VPS54: variants seen among roughly 807,000 people sequenced by gnomAD.
The protein encoded by VPS54 is VPS54 subunit of GARP complex, also known as vacuolar protein sorting-associated protein 54.
VPS54 carries 45 observed loss-of-function variants against 121.5 expected under a neutral mutation model. The observed-to-expected ratio is 0.37, with a 90% confidence interval of 0.29 to 0.47. The LOEUF (loss-of-function observed/expected upper bound fraction) is 0.47, where lower values mean the gene tolerates loss of function less well. Among genes scored for constraint, VPS54 ranks in the 20% least tolerant of loss-of-function variants. VPS54 has a pLI of 0.99. For synonymous variants in VPS54, 371 were observed against 385.8 expected, an observed-to-expected ratio of 0.96 and a Z score of 0.45; for missense variants, 1,090 against 1,131.4, an observed-to-expected ratio of 0.96 and a Z score of 0.52.
In VPS54 at chr2:63,962,241, A is replaced by G. The variant is rs147728781; in HGVS notation, c.827T>C (p.Leu276Pro). The change falls in exon 7 of 23, where the codon CTG (leucine) becomes CCG (proline). Residue 276 changes from leucine (L) to proline (P), a missense_variant. Coordinates refer to ENST00000272322, the MANE Select transcript of VPS54 (RefSeq NM_016516.3). The stretch of plus-strand genomic sequence containing the variant: ...AACACAATTATTTCTGGTAAGTGCC[A>G]GTCTTAAAATGTGGAGTGATCCTTC... Reference protein sequence around the residue: ...MCEGSLHILRLALTRNNCVKV... With the variant: ...MCEGSLHILRPALTRNNCVKV... 2 of 1,614,074 alleles carry G rather than the reference A, an allele frequency of 1.2e-6. No homozygotes were observed. The highest frequency in any genetic ancestry group is 1.1e-5 in the South Asian group (1 of 91,078).
intron 7 of VPS54, among the ~76,000 whole-genome samples, chr2:63,953,101 C>G (rs1675331679): frequency 6.6e-6 from 1 of 150,656 alleles, no homozygotes; most frequent in African/African-American, 2.4e-5. Context: ...TAATCTCACA[C>G]ACACACAACC....
chr2:63,959,225 T>A (rs1295441428), intron 7 of VPS54, among the ~76,000 whole-genome samples: 1 of 152,126 alleles, frequency 6.6e-6, no homozygotes, highest in Non-Finnish European at 1.5e-5. Context: ...AGAAAGTAAA[T>A]CATCATATAG....
At chr2:63,971,945 C>T (rs1676302388) in intron 4 of VPS54, among the ~76,000 whole-genome samples, 4 of 152,100 alleles carry the variant, frequency 2.6e-5, no homozygotes, top group African/African-American at 7.2e-5. Context: ...ATACCAACCA[C>T]GAAGATATCC....
At chr2:64,013,717 T>C (rs548189536) in intron 1 of VPS54, among the ~76,000 whole-genome samples, 207 of 147,452 alleles carry the variant, frequency 1.4e-3, no homozygotes, top group African/African-American at 4.8e-3. Flanking sequence ...ATATATCATA[T>C]AGAGAGATAT....
chr2:63,909,172 T>TC (rs1187045462), intron 20 of VPS54, among the ~76,000 whole-genome samples: 1 of 152,198 alleles, frequency 6.6e-6, no homozygotes, highest in Non-Finnish European at 1.5e-5. Flanking sequence ...TTTACATATA[T>TC]CCTACATCCT....
chr2:63,983,695 G>A (rs1676905926), intron 2 of VPS54, among the ~76,000 whole-genome samples, 169 bp downstream of exon 2: 1 of 151,952 alleles, frequency 6.6e-6, no homozygotes, highest in African/African-American at 2.4e-5. Flanking sequence ...GCCCACCTCA[G>A]CCTCCCAAAG....
chr2:63,894,680 G>A (rs1672368804), intron 22 of VPS54, among the ~76,000 whole-genome samples: 1 of 149,958 alleles, frequency 6.7e-6, no homozygotes, highest in Admixed American at 6.7e-5. Flanking sequence ...TCCAGCCTGT[G>A]TGACCATGAG....
In VPS54 at chr2:64,000,565, T is replaced by C. The variant is rs114702705; in HGVS notation, c.-20-16546A>G. Among the ~76,000 whole-genome samples, 979 of 152,338 alleles carry C rather than the reference T, an allele frequency of 6.4e-3. 8 individuals carry two copies. The highest frequency in any genetic ancestry group is 0.023 in the African/African-American group (955 of 41,560). The stretch of plus-strand genomic sequence containing the variant: ...CCAGATACTCTAATGGATTTGGGTG[T>C]TGTGATTTAAGCTGTATCTGCTTTA... On this transcript the variant is annotated intron_variant, in intron 1 of 22. Transcript: ENST00000272322.
At chr2:63,940,827 A>G (rs1674690627) in intron 11 of VPS54, among the ~76,000 whole-genome samples, 1 of 152,228 alleles carries the variant, frequency 6.6e-6, no homozygotes, top group South Asian at 2.1e-4. Context: ...TGATGAGGTC[A>G]TGGTCAGAAT....
At chr2:63,964,901 G>A (rs184227733) in intron 6 of VPS54, among the ~76,000 whole-genome samples, 163 of 152,210 alleles carry the variant, frequency 1.1e-3, no homozygotes, top group Non-Finnish European at 1.7e-3. Context: ...AAAGAACAGA[G>A]ATCAAATGTC....
chr2:63,953,054 G>GT lies in VPS54; in HGVS notation c.1011-3892dup, dbSNP rs141717833. On this transcript the variant is annotated intron_variant, in intron 7 of 22. Transcript: ENST00000272322. ...TACCTATACATACAGCTATAGAGCA[G>GT]TTTTTTTTTCATTATTTCCCCTCTA... Among the ~76,000 whole-genome samples, 167 of 145,988 alleles carry GT rather than the reference G, an allele frequency of 1.1e-3. 1 individual carries two copies. Among genetic ancestry groups the GT allele is most frequent in the East Asian group, 2.3e-3 (11 of 4,864 alleles).
chr2:63,986,501 A>G (rs2104628071), intron 1 of VPS54, among the ~76,000 whole-genome samples: 2 of 152,288 alleles, frequency 1.3e-5, no homozygotes, highest in East Asian at 3.9e-4. Flanking sequence ...TTCTTTACTC[A>G]TTCGTCTGTT....
intron 5 of VPS54, among the ~76,000 whole-genome samples, chr2:63,967,250 G>A (rs1371917954): frequency 6.6e-6 from 1 of 152,054 alleles, no homozygotes; most frequent in Non-Finnish European, 1.5e-5. Context: ...AATCTAACTA[G>A]AGACATGAGT....
intron 22 of VPS54, among the ~76,000 whole-genome samples, chr2:63,895,122 A>G (rs1311233165): frequency 7.3e-6 from 1 of 137,588 alleles, no homozygotes; most frequent in Non-Finnish European, 1.5e-5. Context: ...GTATGTGTCT[A>G]TTTTTAAAAT....
chr2:63,936,094 T>G (rs1024151229), intron 11 of VPS54, among the ~76,000 whole-genome samples: 3 of 152,156 alleles, frequency 2.0e-5, no homozygotes, highest in Non-Finnish European at 4.4e-5. Context: ...TCTTGGACTT[T>G]TCTTTAATTC....
intron 4 of VPS54, among the ~76,000 whole-genome samples, chr2:63,970,208 TATATACACACACAC>T (rs1202414323): frequency 2.0e-5 from 2 of 97,672 alleles, no homozygotes; most frequent in Non-Finnish European, 3.7e-5. Context: ...AAAAAATATA[TATATACACACACAC>T]ACACACACAC....
In VPS54 at chr2:63,897,535, GAT is replaced by G; in HGVS notation, c.2787_2788del (p.Leu929PhefsTer8). ...TCCATCATTTATCACATTTAAGTGA[GAT>G]AACTGCTTTTTCAAGTGGAGTTTAT... On this transcript the variant is annotated frameshift_variant, in exon 22 of 23. Transcript: ENST00000272322. LOFTEE classifies it high-confidence loss of function. The G allele has an allele frequency of 6.2e-7, 1 of 1,600,588 alleles. No homozygotes were observed. Among genetic ancestry groups the G allele is most frequent in the Non-Finnish European group, 8.5e-7 (1 of 1,174,322 alleles).
intron 7 of VPS54, among the ~76,000 whole-genome samples, chr2:63,957,180 C>T (rs1675533206): frequency 6.6e-6 from 1 of 152,070 alleles, no homozygotes; most frequent in Non-Finnish European, 1.5e-5. Context: ...CGGTGGCTCA[C>T]ACCTGTAATC....
At chr2:64,002,407 T>A (rs1677925467) in intron 1 of VPS54, among the ~76,000 whole-genome samples, 2 of 152,192 alleles carry the variant, frequency 1.3e-5, no homozygotes, top group South Asian at 4.1e-4. Flanking sequence ...AGCCTTCTAG[T>A]CCACCATCTT....
Sources: gnomAD v4.1 joint callset for allele counts (sites outside exome capture counted in the v4.1 genomes callset) on GRCh38, gnomAD v4.1.1 for gene constraint, MANE v1.5 for transcripts, NCBI Gene and HGNC (gene_info 2026-07-23, HGNC 2026-07-21) for gene names.